The following ZMYM2 variants were observed in gnomAD, a reference collection of about 807,000 sequenced individuals.
ZMYM2 encodes the protein zinc finger MYM-type protein 2.
ZMYM2 carries 56 observed loss-of-function variants against 162.8 expected under a neutral mutation model. The ratio of observed to expected loss-of-function variants is 0.34; its 90% CI spans 0.28 to 0.43. The LOEUF (loss-of-function observed/expected upper bound fraction) is 0.43. Ranked by LOEUF, ZMYM2 falls within the 20% of genes least tolerant of loss-of-function variation. The probability of loss-of-function intolerance (pLI) is 1.00; values close to 1 mark genes in which losing one functional copy is unlikely to be tolerated. For synonymous variants in ZMYM2, 510 were observed against 541.6 expected (o/e 0.94, Z 0.81); for missense variants, 1,275 against 1,621.8 (o/e 0.79, Z 3.67).
At chr13:20,002,680 G>A (rs1208100354) in intron 3 of ZMYM2, among the ~76,000 whole-genome samples, 170 bp from the exon 4 acceptor site, 1 of 152,020 alleles carries the variant, frequency 6.6e-6, no homozygotes, top group Non-Finnish European at 1.5e-5. Flanking sequence ...CATTGTTACC[G>A]TGACATTCTT....
intron 2 of ZMYM2, among the ~76,000 whole-genome samples, chr13:19,970,968 C>T (rs1956263359): frequency 6.6e-6 from 1 of 151,534 alleles, no homozygotes; most frequent in Non-Finnish European, 1.5e-5. Context: ...GGAGTCTTTT[C>T]AGGCAGAGGA....
At chr13:20,004,938 T>A in intron 4 of ZMYM2, 136 bp from the exon 5 acceptor site, 2 of 611,794 alleles carry the variant, frequency 3.3e-6, no homozygotes, top group Non-Finnish European at 5.1e-6. Context: ...GAATGTCTAA[T>A]AAAAATGATT....
chr13:19,864,781 A>G, the ZMYM2 span: 3 of 152,300 alleles, frequency 2.0e-5, no homozygotes, highest in Admixed American at 6.5e-5. Flanking sequence ...GAGCAGAATC[A>G]GGGACAGATG....
chr13:20,021,467 T>C (rs1476988128), intron 7 of ZMYM2, among the ~76,000 whole-genome samples: 2 of 152,102 alleles, frequency 1.3e-5, no homozygotes, highest in African/African-American at 4.8e-5. Context: ...TGTATTATTT[T>C]AAATGTTTTG....
chr13:19,926,034 C>T, the ZMYM2 span, among the ~76,000 whole-genome samples: 474 of 151,292 alleles, frequency 3.1e-3, 4 homozygotes, highest in African/African-American at 0.011. Flanking sequence ...AATCTTGGCT[C>T]ACCACAACCT....
intron 7 of ZMYM2, among the ~76,000 whole-genome samples, chr13:20,021,868 A>G (rs1295339065): frequency 6.6e-6 from 1 of 152,172 alleles, no homozygotes; most frequent in Non-Finnish European, 1.5e-5. Flanking sequence ...ACGTCGGTAG[A>G]TGTATTTTTA....
chr13:20,056,981 C>T (rs999640420), intron 14 of ZMYM2, among the ~76,000 whole-genome samples: 1 of 152,174 alleles, frequency 6.6e-6, no homozygotes, highest in East Asian at 1.9e-4. Flanking sequence ...GCACAAGAGC[C>T]AGTTCTACAA....
chr13:20,038,427 C>T (rs368848551), intron 12 of ZMYM2, among the ~76,000 whole-genome samples: 1 of 152,086 alleles, frequency 6.6e-6, no homozygotes, highest in Non-Finnish European at 1.5e-5. Context: ...TTTATTAATC[C>T]ATCCTGAGTT....
intron 21 of ZMYM2, among the ~76,000 whole-genome samples, chr13:20,075,467 T>A (rs1593251191): frequency 6.6e-6 from 1 of 152,184 alleles, no homozygotes; most frequent in South Asian, 2.1e-4. Flanking sequence ...AGTAACTGAC[T>A]TTCCTCCACT....
intron 21 of ZMYM2, among the ~76,000 whole-genome samples, chr13:20,078,612 G>A (rs11618347): frequency 0.23 from 35,114 of 152,046 alleles, 5,019 homozygotes; most frequent in Admixed American, 0.32. Context: ...TGTTTAAGTA[G>A]ATATCTGTCA....
the ZMYM2 span, among the ~76,000 whole-genome samples, chr13:19,877,228 A>AAAC: frequency 6.6e-6 from 1 of 151,554 alleles, no homozygotes; most frequent in African/African-American, 2.4e-5. Context: ...AAAAAAAAAA[A>AAAC]CAAAGAAGTT....
intron 19 of ZMYM2, among the ~76,000 whole-genome samples, chr13:20,065,708 C>T (rs1288474925): frequency 1.3e-5 from 2 of 151,998 alleles, no homozygotes; most frequent in African/African-American, 4.8e-5. Flanking sequence ...GGAGGAGGAT[C>T]GAGGCTGCAG....
Position 19,987,620 on chromosome 13 carries a change from CGTGTGT to C in ZMYM2, c.-10-5410_-10-5405del, listed in dbSNP as rs756005409. 1.7e-3 allele frequency among the ~76,000 whole-genome samples: 209 copies of C among 121,350 alleles called. 4 individuals carry two copies. The South Asian group carries it at 0.028, about 16-fold the overall frequency. The allele number at this position is 121,350 out of a possible 152,430, so 79.6% of individuals were successfully genotyped here. On this transcript the variant is annotated intron_variant, in intron 2 of 24. Coordinates refer to ENST00000610343, the MANE Select transcript of ZMYM2 (RefSeq NM_197968.4). ...GTGTATAGGAAAGATGGGGTTTTGT[CGTGTGT>C]GTGTGTGTGTGTGTGTGTGTGTGTG... is the stretch of plus-strand genomic sequence containing the variant.
intron 2 of ZMYM2, among the ~76,000 whole-genome samples, chr13:19,973,687 A>AC (rs1192382966): frequency 6.7e-6 from 1 of 149,438 alleles, no homozygotes; most frequent in Non-Finnish European, 1.5e-5. Flanking sequence ...AAAAAAAAAA[A>AC]AACACCAAAA....
the ZMYM2 span, among the ~76,000 whole-genome samples, chr13:19,884,233 G>A: frequency 2.5e-3 from 384 of 152,236 alleles, 2 homozygotes; most frequent in Non-Finnish European, 3.0e-3. Flanking sequence ...GCCAAGCACA[G>A]TAGGGTTGTG....
Position 20,064,465 on chromosome 13 carries a change from G to C in ZMYM2, c.3052G>C (p.Asp1018His), listed in dbSNP as rs1426202248. 6.3e-7 allele frequency: 1 copy of C among 1,597,140 alleles called. No individual in the cohort carries two copies. Among genetic ancestry groups the C allele is most frequent in the African/African-American group, 1.3e-5 (1 of 74,514 alleles). Residue 1018 changes from aspartate (D) to histidine (H), a missense_variant, in exon 19 of 25, where the codon GAT becomes CAT. Transcript: ENST00000610343. ...IDFPRAAEEL[D>H]MENEFLLPPV... ...TTGGTTGTCAGCTGCTGAGGAGCTT[G>C]ATATGGAAAATGAATTTTTATTACC...
the ZMYM2 span, chr13:19,864,400 A>G: frequency 6.5e-6 from 1 of 154,996 alleles, no homozygotes; most frequent in Non-Finnish European, 1.5e-5. Context: ...CTTGTCCCGG[A>G]AGCCCCGACT....
chr13:19,926,367 T>A, the ZMYM2 span, among the ~76,000 whole-genome samples: 12 of 148,980 alleles, frequency 8.1e-5, no homozygotes, highest in East Asian at 9.7e-4. Flanking sequence ...CTTATTTTTT[T>A]TTTTTTTTTT....
the ZMYM2 span, among the ~76,000 whole-genome samples, chr13:19,883,425 G>C: frequency 1.3e-5 from 2 of 152,234 alleles, no homozygotes; most frequent in African/African-American, 4.8e-5. Flanking sequence ...TTTTAAAAAA[G>C]AATGAAGCAC....
Sources: allele counts gnomAD v4.1 joint callset (sites outside exome capture counted in the v4.1 genomes callset), GRCh38; gene constraint gnomAD v4.1.1; transcripts MANE v1.5; gene names NCBI Gene and HGNC (gene_info 2026-07-23, HGNC 2026-07-21).